The following NCAM2 variants were observed in gnomAD, a reference collection of about 807,000 sequenced individuals.
NCAM2 encodes the protein neural cell adhesion molecule 2.
NCAM2 carries 30 observed loss-of-function variants against 98.1 expected under a neutral mutation model. The observed-to-expected ratio is 0.31, with a 90% confidence interval of 0.23 to 0.41. The LOEUF is 0.41. NCAM2 is among the 10% of genes least tolerant of loss of function. NCAM2 has a pLI of 1.00. For synonymous variants in NCAM2, 368 were observed against 342.4 expected (o/e 1.07, Z -0.83); for missense variants, 867 against 1,005.8 (o/e 0.86, Z 1.87).
At chr21:21,329,003 G>A (rs895567485) in intron 6 of NCAM2, among the ~76,000 whole-genome samples, 1 of 147,788 alleles carries the variant, frequency 6.8e-6, no homozygotes, top group South Asian at 2.1e-4. Context: ...CACCCAGGCT[G>A]GAGTGCAGTG....
At chr21:21,533,055 C>G (rs1270472542) in intron 16 of NCAM2, among the ~76,000 whole-genome samples, 1 of 151,578 alleles carries the variant, frequency 6.6e-6, no homozygotes, top group Non-Finnish European at 1.5e-5. Flanking sequence ...TGATATGGAA[C>G]TGTGATCTGA....
intron 1 of NCAM2, among the ~76,000 whole-genome samples, chr21:21,241,522 G>A (rs774502388): frequency 2.8e-4 from 42 of 152,096 alleles, no homozygotes; most frequent in Non-Finnish European, 4.7e-4. Flanking sequence ...ATGGAGTTCA[G>A]GCTGTAGCCC....
At chr21:21,209,702 C>A (rs1337684883) in intron 1 of NCAM2, among the ~76,000 whole-genome samples, 3 of 150,496 alleles carry the variant, frequency 2.0e-5, no homozygotes, top group African/African-American at 7.3e-5. Context: ...TGATTGTCTG[C>A]TCTGTGTTAA....
chr21:21,089,366 C>T (rs570574153), intron 1 of NCAM2, among the ~76,000 whole-genome samples: 4 of 152,186 alleles, frequency 2.6e-5, no homozygotes, highest in Non-Finnish European at 5.9e-5. Context: ...TGGCCCAAAA[C>T]CTATGAGAAT....
chr21:21,397,776 G>T (rs2076543803), intron 9 of NCAM2, among the ~76,000 whole-genome samples: 1 of 152,228 alleles, frequency 6.6e-6, no homozygotes, highest in South Asian at 2.1e-4. Flanking sequence ...CGGCTCTGTG[G>T]AGTGCACAAA....
At chr21:20,999,283 A>G (rs2063975903) in intron 1 of NCAM2, among the ~76,000 whole-genome samples, 1 of 152,040 alleles carries the variant, frequency 6.6e-6, no homozygotes, top group African/African-American at 2.4e-5. Flanking sequence ...ATTTTATAAC[A>G]TTACATTGTA....
At chr21:21,270,100 C>T (rs981105653) in intron 1 of NCAM2, among the ~76,000 whole-genome samples, 11 of 152,024 alleles carry the variant, frequency 7.2e-5, no homozygotes, top group Non-Finnish European at 1.0e-4. Context: ...TTTAGTACTG[C>T]GTAATATTAG....
In NCAM2 at chr21:21,331,510, T is replaced by TATATATATATATATA. The variant is rs1441524860; in HGVS notation, c.738-3995_738-3994insATATATATATATATA. ...TGGTTAGTATATATACTCTATACTC[T>TATATATATATATATA]CTCTCTCTATATATATATATATATA... is the stretch of plus-strand genomic sequence containing the variant. On this transcript the variant is annotated intron_variant, in intron 6 of 17. Coordinates refer to ENST00000400546, the MANE Select transcript of NCAM2 (RefSeq NM_004540.5). Among the ~76,000 whole-genome samples, 3 of 1,060 alleles carry TATATATATATATATA rather than the reference T, an allele frequency of 2.8e-3. 1 individual carries two copies. The highest frequency in any genetic ancestry group is 5.9e-3 in the African/African-American group (3 of 510). 0.7% of individuals were successfully genotyped at this position (1,060 alleles called of 152,430 possible). A position where few individuals can be genotyped will look rare whatever the true frequency, so the allele number is the denominator to read the frequency against.
At chr21:21,386,530 C>T (rs886162387) in intron 9 of NCAM2, among the ~76,000 whole-genome samples, 2 of 152,072 alleles carry the variant, frequency 1.3e-5, no homozygotes, top group African/African-American at 2.4e-5. Context: ...TCTCTTCATC[C>T]AGAAGATAAA....
rs1223004283 is a variant in NCAM2, at chr21:21,508,950, T to G, written c.2177T>G (p.Ile726Ser). The G allele has an allele frequency of 1.9e-6, 3 of 1,613,516 alleles. No individual in the cohort carries two copies. The highest frequency in any genetic ancestry group is 2.5e-6 in the Non-Finnish European group (3 of 1,179,802). Residue 726 changes from isoleucine to serine, a missense_variant, in exon 16 of 18, where the codon ATT (isoleucine) becomes AGT (serine). By Grantham distance (142) the Ile-to-Ser change is moderately radical. Around this residue, in one of 5 missense-constraint regions of NCAM2, gnomAD observed 234 missense variants for 333.8 expected, o/e 0.70. Coordinates refer to ENST00000400546, the MANE Select transcript of NCAM2 (RefSeq NM_004540.5). ...GTAACAGACGTCAGCTGCTTCTTTA[T>G]TCGGCAATGTGGGTTGCTGATGTGC... ...LVVTDVSCFF[I>S]RQCGLLMCIT...
chr21:21,433,626 C>G (rs1308422971), intron 12 of NCAM2, among the ~76,000 whole-genome samples: 1 of 151,342 alleles, frequency 6.6e-6, no homozygotes, highest in African/African-American at 2.4e-5. Context: ...ACCTGTAGAC[C>G]CAGCTACTCG....
intron 1 of NCAM2, among the ~76,000 whole-genome samples, chr21:21,241,858 G>C (rs185027127): frequency 2.6e-4 from 39 of 152,194 alleles, no homozygotes; most frequent in African/African-American, 9.4e-4. Context: ...TATTTGGTTA[G>C]CTTCTACACT....
chr21:21,276,604 C>T (rs1330100303), intron 1 of NCAM2, among the ~76,000 whole-genome samples: 2 of 152,028 alleles, frequency 1.3e-5, no homozygotes, highest in Non-Finnish European at 2.9e-5. Context: ...AGGTGATAAA[C>T]TCATCACTTA....
chr21:21,515,352 C>G (rs186759297), intron 16 of NCAM2, among the ~76,000 whole-genome samples: 21 of 152,180 alleles, frequency 1.4e-4, no homozygotes, highest in Non-Finnish European at 2.6e-4. Flanking sequence ...GGACCAATTC[C>G]CTTACTTCAG....
chr21:21,381,790 A>G (rs2076159542), intron 9 of NCAM2, among the ~76,000 whole-genome samples: 1 of 152,118 alleles, frequency 6.6e-6, no homozygotes, highest in African/African-American at 2.4e-5. Context: ...ATATGTATTC[A>G]TCTATATGTG....
chr21:21,095,721 GA>G (rs945139865), intron 1 of NCAM2, among the ~76,000 whole-genome samples: 2 of 151,490 alleles, frequency 1.3e-5, no homozygotes, highest in African/African-American at 4.8e-5. Context: ...AGTAAATTCG[GA>G]AAATACTGAG....
chr21:21,436,891 A>T (rs780834949), intron 12 of NCAM2, among the ~76,000 whole-genome samples: 1 of 151,104 alleles, frequency 6.6e-6, no homozygotes, highest in Non-Finnish European at 1.5e-5. Context: ...CCTCCCTAGT[A>T]GCTGAGATTA....
chr21:21,497,328 AC>A (rs1269814936), intron 15 of NCAM2, among the ~76,000 whole-genome samples: 1 of 151,988 alleles, frequency 6.6e-6, no homozygotes, highest in Non-Finnish European at 1.5e-5. Context: ...CTGCACATAT[AC>A]CCCCTACATC....
chr21:21,015,689 TTTTGTTTG>T, intron 1 of NCAM2, among the ~76,000 whole-genome samples: 1 of 152,054 alleles, frequency 6.6e-6, no homozygotes, highest in African/African-American at 2.4e-5. Context: ...TGTATTTCTG[TTTTGTTTG>T]TTTGTTTGTT....
Sources: allele counts gnomAD v4.1 joint callset (sites outside exome capture counted in the v4.1 genomes callset), GRCh38; gene constraint gnomAD v4.1.1; regional missense constraint gnomAD v4.1.1; transcripts MANE v1.5; gene names NCBI Gene and HGNC (gene_info 2026-07-23, HGNC 2026-07-21).